The following PIP4K2A variants were observed in gnomAD, a reference collection of about 807,000 sequenced individuals.
PIP4K2A encodes phosphatidylinositol 5-phosphate 4-kinase type-2 alpha.
A neutral mutation model predicts 42.9 loss-of-function variants in PIP4K2A; 14 were observed. The observed-to-expected ratio is 0.33, with a 90% CI of 0.22 to 0.51. PIP4K2A has a LOEUF of 0.51. PIP4K2A is among the 20% of genes least tolerant of loss of function. PIP4K2A has a pLI of 0.97. For synonymous variants in PIP4K2A, 192 were observed against 192.2 expected (o/e 1.00, Z 0.01); for missense variants, 434 against 519.8 (o/e 0.83, Z 1.61).
In PIP4K2A at chr10:22,541,942, CCTCCCCATCGTT is replaced by C; in HGVS notation, c.886_897del (p.Asn296_Glu299del). 1 of 1,614,086 alleles carries C rather than the reference CCTCCCCATCGTT, an allele frequency of 6.2e-7. No homozygotes were observed. The highest frequency in any genetic ancestry group is 8.5e-7 in the Non-Finnish European group (1 of 1,179,986). ...TGGGTGCCATCGCTCTCGCCCTCCT[CCTCCCCATCGTT>C]CTCCTCACACTCCACTTCCTCCTGT... On this transcript the variant is annotated inframe_deletion, in exon 8 of 10. Coordinates refer to ENST00000376573, the MANE Select transcript of PIP4K2A (RefSeq NM_005028.5).
At chr10:22,705,504 G>A (rs1464575798) in intron 1 of PIP4K2A, among the ~76,000 whole-genome samples, 10 of 143,704 alleles carry the variant, frequency 7.0e-5, no homozygotes, top group African/African-American at 2.6e-4. Flanking sequence ...AGGCTGTTCT[G>A]GAGGAAACTG....
At chr10:22,695,036 T>C (rs1251521060) in intron 1 of PIP4K2A, among the ~76,000 whole-genome samples, 1 of 152,180 alleles carries the variant, frequency 6.6e-6, no homozygotes, top group African/African-American at 2.4e-5. Flanking sequence ...TTTTGAGCTA[T>C]TAAAACCAAA....
rs1564448260 is a variant in PIP4K2A at position 22,627,588 on chromosome 10, T to TAAAAAAAAA, written c.145-17872_145-17871insTTTTTTTTT. ...ATTTGTTTAACCAAAAGCTAATATG[T>TAAAAAAAAA]AATAAAAAAAAAAAAAAAAAAAAAA... On this transcript the variant is annotated intron_variant, in intron 1 of 9. Coordinates refer to ENST00000376573, the MANE Select transcript of PIP4K2A (RefSeq NM_005028.5). 8.7e-4 allele frequency among the ~76,000 whole-genome samples: 34 copies of TAAAAAAAAA among 38,954 alleles called. 5 individuals are homozygous for TAAAAAAAAA. Among genetic ancestry groups the TAAAAAAAAA allele is most frequent in the African/African-American group, 2.1e-3 (29 of 13,770 alleles). 25.6% of individuals were successfully genotyped at this position (38,954 alleles called of 152,430 possible). A position where few individuals can be genotyped will look rare whatever the true frequency, so the allele number is the denominator to read the frequency against.
At chr10:22,557,391 G>A (rs1249265383) in intron 6 of PIP4K2A, among the ~76,000 whole-genome samples, 6 of 152,142 alleles carry the variant, frequency 3.9e-5, no homozygotes, top group Admixed American at 2.0e-4. Context: ...AAATGACTAA[G>A]AACTTTTGCA....
rs528441035 is a variant in PIP4K2A at position 22,563,103 on chromosome 10, A to T, written c.678+4748T>A. Among the ~76,000 whole-genome samples the T allele has an allele frequency of 9.2e-5, 14 of 152,244 alleles. No homozygotes were observed. The East Asian group carries it at 2.5e-3, about 27-fold the overall frequency. ...TGTCAAGGCAGGCACACTCTCCATCATTTACCAATTTCTATGACTTTGACA... is the reference window on the plus strand; with the variant it reads ...TGTCAAGGCAGGCACACTCTCCATCTTTTACCAATTTCTATGACTTTGACA... On this transcript the variant is annotated intron_variant, in intron 6 of 9. Coordinates refer to ENST00000376573, the MANE Select transcript of PIP4K2A (RefSeq NM_005028.5).
chr10:22,603,413 T>C (rs907472141), intron 3 of PIP4K2A, among the ~76,000 whole-genome samples: 43 of 152,282 alleles, frequency 2.8e-4, no homozygotes, highest in African/African-American at 1.0e-3. Context: ...GGCTGTTTAA[T>C]GTTCTTCATG....
rs369358581 is a variant in PIP4K2A, at chr10:22,689,243, A to G, written c.144+24940T>C. 1.8e-3 allele frequency among the ~76,000 whole-genome samples: 270 copies of G among 151,718 alleles called. 3 individuals carry two copies. The highest frequency in any genetic ancestry group is 6.3e-3 in the African/African-American group (259 of 41,316). The stretch of plus-strand genomic sequence containing the variant: ...ATCTCCATGCTTGTGACACACACTG[A>G]GCTTACTTCTGAGCACTCAGTTAAT... On this transcript the variant is annotated intron_variant, in intron 1 of 9. Transcript: ENST00000376573.
At chr10:22,554,974 C>T (rs1588622135) in intron 6 of PIP4K2A, among the ~76,000 whole-genome samples, 1 of 152,308 alleles carries the variant, frequency 6.6e-6, no homozygotes, top group South Asian at 2.1e-4. Context: ...AGGTAATCTG[C>T]TGCGGTGGGT....
chr10:22,589,536 TC>T (rs1468419277), intron 4 of PIP4K2A, among the ~76,000 whole-genome samples: 1 of 152,204 alleles, frequency 6.6e-6, no homozygotes, highest in African/African-American at 2.4e-5. Flanking sequence ...GTACCAAGTT[TC>T]AAGAAACAGA....
At position 22,536,649 on chromosome 10, in the gene PIP4K2A, CATT is replaced by C. The variant is rs918706916; in HGVS notation, c.*549_*551del. The stretch of plus-strand genomic sequence containing the variant: ...TAGGTTTTTTCCTTGGAATCATCAT[CATT>C]ATTATAATAATCATCATTATTATCT... On this transcript the variant is annotated 3_prime_UTR_variant, in exon 10 of 10. Coordinates refer to ENST00000376573, the MANE Select transcript of PIP4K2A (RefSeq NM_005028.5). 7.8e-6 allele frequency: 1 copy of C among 128,102 alleles called. No individual in the cohort carries two copies. The highest frequency in any genetic ancestry group is 2.9e-5 in the African/African-American group (1 of 34,572). 7.9% of individuals were successfully genotyped at this position (128,102 alleles called of 1,614,324 possible).
chr10:22,651,366 T>C (rs1368349200), intron 1 of PIP4K2A, among the ~76,000 whole-genome samples: 4 of 152,190 alleles, frequency 2.6e-5, no homozygotes, highest in Non-Finnish European at 1.5e-5. Flanking sequence ...ATCCTTTTGG[T>C]GACCTCAAAG....
intron 1 of PIP4K2A, among the ~76,000 whole-genome samples, chr10:22,671,821 G>C (rs1214493649): frequency 1.3e-5 from 2 of 151,680 alleles, no homozygotes; most frequent in Non-Finnish European, 2.9e-5. Flanking sequence ...GCGAAATGCA[G>C]AGACGCTGTT....
chr10:22,547,836 G>A (rs1055580363), intron 7 of PIP4K2A, among the ~76,000 whole-genome samples: 1 of 152,200 alleles, frequency 6.6e-6, no homozygotes, highest in Non-Finnish European at 1.5e-5. Context: ...AGACTCACCT[G>A]TGTTACGTGC....
intron 1 of PIP4K2A, among the ~76,000 whole-genome samples, chr10:22,617,307 T>C (rs1313798877): frequency 6.6e-6 from 1 of 152,140 alleles, no homozygotes; most frequent in Non-Finnish European, 1.5e-5. Context: ...AATAAATAAG[T>C]GAGACCCAGC....
intron 1 of PIP4K2A, among the ~76,000 whole-genome samples, chr10:22,631,673 A>G (rs1838553066): frequency 6.6e-6 from 1 of 152,246 alleles, no homozygotes; most frequent in Non-Finnish European, 1.5e-5. Context: ...CTTACAGTAC[A>G]ATTTCAACTA....
chr10:22,543,891 G>A (rs1836191909), intron 7 of PIP4K2A, among the ~76,000 whole-genome samples: 1 of 152,172 alleles, frequency 6.6e-6, no homozygotes, highest in African/African-American at 2.4e-5. Context: ...AGGGACAGGT[G>A]ACAAGATCCA....
chr10:22,684,324 C>G (rs1327266639), intron 1 of PIP4K2A, among the ~76,000 whole-genome samples: 1 of 152,138 alleles, frequency 6.6e-6, no homozygotes, highest in Non-Finnish European at 1.5e-5. Flanking sequence ...ACTAGGTACG[C>G]TTTGTCTGAA....
At position 22,536,400 on chromosome 10, in the gene PIP4K2A, A is replaced by C. The variant is rs1240617537; in HGVS notation, c.*801T>G. ...AGAGAAGTAAGCAGTTTTCCTGGACATATTGGCCGAGGTGAAAAATGTATA... is the reference window on the plus strand; with the variant it reads ...AGAGAAGTAAGCAGTTTTCCTGGACCTATTGGCCGAGGTGAAAAATGTATA... On this transcript the variant is annotated 3_prime_UTR_variant, in exon 10 of 10. Coordinates refer to ENST00000376573, the MANE Select transcript of PIP4K2A (RefSeq NM_005028.5). 6.5e-6 allele frequency: 2 copies of C among 309,452 alleles called. No individual in the cohort carries two copies. Among genetic ancestry groups the C allele is most frequent in the Non-Finnish European group, 5.9e-6 (1 of 169,976 alleles). 19.2% of individuals were successfully genotyped at this position (309,452 alleles called of 1,614,324 possible).
chr10:22,712,641 TGA>T, intron 1 of PIP4K2A, among the ~76,000 whole-genome samples: 1 of 152,356 alleles, frequency 6.6e-6, no homozygotes, highest in African/African-American at 2.4e-5. Flanking sequence ...TAATAAAACT[TGA>T]GAGAGGAGTT....
Sources: gnomAD v4.1 joint callset for allele counts (sites outside exome capture counted in the v4.1 genomes callset) on GRCh38, gnomAD v4.1.1 for gene constraint, MANE v1.5 for transcripts, NCBI Gene and HGNC (gene_info 2026-07-23, HGNC 2026-07-21) for gene names.